Variants in DPP6 observed in about 807,000 individuals in gnomAD.
DPP6 encodes the protein A-type potassium channel modulatory protein DPP6.
A neutral mutation model predicts 122.6 loss-of-function variants in DPP6; 69 were observed. The observed-to-expected ratio is 0.56, with a 90% confidence interval of 0.46 to 0.69. The LOEUF is 0.69. Among genes scored for constraint, DPP6 ranks in the 30% least tolerant of loss-of-function variants. DPP6 has a pLI of 0.00. For missense variants in DPP6, 928 were observed against 1,116.9 expected (o/e 0.83, Z 2.41); for synonymous variants, 418 against 433.1 (o/e 0.97, Z 0.43).
intron 1 of DPP6, among the ~76,000 whole-genome samples, chr7:153,943,336 T>G (rs1333987012): frequency 1.3e-5 from 2 of 152,168 alleles, no homozygotes; most frequent in African/African-American, 2.4e-5. Flanking sequence ...ACAAAATGTA[T>G]TATATGTCCG....
At position 154,446,448 on chromosome 7, in the gene DPP6, C is replaced by T. The variant is rs1032070284; in HGVS notation, c.358+120C>T. 22 of 580,356 alleles carry T rather than the reference C, an allele frequency of 3.8e-5. No individual in the cohort carries two copies. The African/African-American group carries it at 4.0e-4, about 11-fold the overall frequency. 36.0% of individuals were successfully genotyped at this position (580,356 alleles called of 1,614,324 possible). On this transcript the variant is annotated intron_variant, in intron 2 of 25. Coordinates refer to ENST00000377770, the MANE Select transcript of DPP6 (RefSeq NM_130797.4). Reference sequence around the variant, plus strand: ...AATTTATTTTTCCCAAGTTCTAATTCTCACTATGCCATATGATATAATATG... The same window carrying T: ...AATTTATTTTTCCCAAGTTCTAATTTTCACTATGCCATATGATATAATATG...
At chr7:154,440,521 A>T (rs887841788) in intron 1 of DPP6, among the ~76,000 whole-genome samples, 2 of 152,216 alleles carry the variant, frequency 1.3e-5, no homozygotes, top group Non-Finnish European at 2.9e-5. Flanking sequence ...ACCTCCAGCC[A>T]GCATTGTGAA....
At chr7:154,503,928 A>G (rs751035649) in intron 3 of DPP6, among the ~76,000 whole-genome samples, 1 of 152,232 alleles carries the variant, frequency 6.6e-6, no homozygotes, top group African/African-American at 2.4e-5. Flanking sequence ...AAAGCTGCAC[A>G]TCCTGCACAT....
chr7:154,567,216 T>C (rs1029550266), intron 5 of DPP6, among the ~76,000 whole-genome samples: 3 of 152,214 alleles, frequency 2.0e-5, no homozygotes, highest in Admixed American at 6.5e-5. Flanking sequence ...CAATTATTTT[T>C]CTGGCTGTTT....
chr7:154,123,810 G>C lies in DPP6; in HGVS notation c.243+70747G>C, dbSNP rs560553440. Reference sequence around the variant, plus strand: ...GACAAATGTGCCGCTCGCTCACGGGGCTTACCTGGGGACAGTTGTGCTGCC... The same window carrying C: ...GACAAATGTGCCGCTCGCTCACGGGCCTTACCTGGGGACAGTTGTGCTGCC... On this transcript the variant is annotated intron_variant, in intron 1 of 25. Coordinates refer to ENST00000377770, the MANE Select transcript of DPP6 (RefSeq NM_130797.4). 1.5e-5 allele frequency among the ~76,000 whole-genome samples: 2 copies of C among 129,178 alleles called. 1 individual carries two copies. Among genetic ancestry groups the C allele is most frequent in the South Asian group, 5.4e-4 (2 of 3,694 alleles). 84.7% of individuals were successfully genotyped at this position (129,178 alleles called of 152,430 possible).
chr7:153,767,510 G>A, the DPP6 span, among the ~76,000 whole-genome samples: 1 of 150,376 alleles, frequency 6.6e-6, no homozygotes, highest in South Asian at 2.1e-4. Flanking sequence ...TGGGATTACA[G>A]GTGCCTACCA....
intron 1 of DPP6, among the ~76,000 whole-genome samples, chr7:154,373,615 G>C (rs906837530): frequency 6.6e-6 from 1 of 152,164 alleles, no homozygotes; most frequent in African/African-American, 2.4e-5. Context: ...TTTAAAAATT[G>C]TGTTGTTGTA....
chr7:154,185,765 T>G (rs1798321411), intron 1 of DPP6, among the ~76,000 whole-genome samples: 1 of 152,196 alleles, frequency 6.6e-6, no homozygotes, highest in Non-Finnish European at 1.5e-5. Context: ...GTCAATTACT[T>G]CTGGAATCCC....
intron 1 of DPP6, among the ~76,000 whole-genome samples, chr7:153,943,134 G>T (rs1319050809): frequency 6.6e-6 from 1 of 152,022 alleles, no homozygotes; most frequent in Non-Finnish European, 1.5e-5. Flanking sequence ...TATTAATAAG[G>T]TGTTTAAAAA....
At chr7:154,076,664 G>C (rs1803574346) in intron 1 of DPP6, among the ~76,000 whole-genome samples, 1 of 151,232 alleles carries the variant, frequency 6.6e-6, no homozygotes. Context: ...AGATTGAGAG[G>C]AGAAAATGTG....
Position 154,125,358 on chromosome 7 carries a change from T to C in DPP6, c.243+72295T>C, listed in dbSNP as rs554382081. Among the ~76,000 whole-genome samples, 4 of 152,334 alleles carry C rather than the reference T, an allele frequency of 2.6e-5. No homozygotes were observed. The South Asian group carries it at 8.3e-4, about 32-fold the overall frequency. ...GCCTACATTTCTGAAAATTCTAGTG[T>C]AAAACAAACATGTATATATTAAATT... On this transcript the variant is annotated intron_variant, in intron 1 of 25. Coordinates refer to ENST00000377770, the MANE Select transcript of DPP6 (RefSeq NM_130797.4).
chr7:153,762,990 G>A, the DPP6 span, among the ~76,000 whole-genome samples: 2 of 152,086 alleles, frequency 1.3e-5, no homozygotes, highest in African/African-American at 2.4e-5. Flanking sequence ...TTTGAAGGAC[G>A]CTGTATAAGA....
At chr7:154,511,671 A>G (rs765003047) in intron 3 of DPP6, among the ~76,000 whole-genome samples, 9 of 152,232 alleles carry the variant, frequency 5.9e-5, no homozygotes, top group African/African-American at 9.6e-5. Context: ...TTCTAGAGCC[A>G]TTTAATAAAT....
intron 1 of DPP6, among the ~76,000 whole-genome samples, chr7:154,034,744 G>T (rs1799432865): frequency 2.6e-5 from 4 of 151,520 alleles, no homozygotes; most frequent in African/African-American, 9.7e-5. Flanking sequence ...TTCCTTCACT[G>T]CATGGGAGTA....
At chr7:154,061,934 AG>A (rs1802009613) in intron 1 of DPP6, among the ~76,000 whole-genome samples, 1 of 124,970 alleles carries the variant, frequency 8.0e-6, no homozygotes, top group Non-Finnish European at 1.7e-5. Context: ...CCCCCATCGC[AG>A]GAGGGGGAGG....
At chr7:154,420,030 T>C (rs764245527) in intron 1 of DPP6, among the ~76,000 whole-genome samples, 5 of 152,166 alleles carry the variant, frequency 3.3e-5, no homozygotes, top group Admixed American at 6.5e-5. Context: ...AATGGAATAT[T>C]ATTCAGCCTT....
At chr7:154,790,435 G>A (rs1007776006) in intron 10 of DPP6, among the ~76,000 whole-genome samples, 1 of 152,162 alleles carries the variant, frequency 6.6e-6, no homozygotes, top group African/African-American at 2.4e-5. Flanking sequence ...TAGAGGTGGA[G>A]CCCTTATGGA....
the DPP6 span, among the ~76,000 whole-genome samples, chr7:153,851,595 T>C: frequency 6.6e-6 from 1 of 152,206 alleles, no homozygotes; most frequent in Non-Finnish European, 1.5e-5. Flanking sequence ...ATTTGACAAT[T>C]TGATATTTTA....
intron 1 of DPP6, among the ~76,000 whole-genome samples, chr7:154,075,062 C>A (rs2628733): frequency 2.0e-5 from 3 of 151,920 alleles, no homozygotes; most frequent in Non-Finnish European, 4.4e-5. Context: ...AATGCTCAAC[C>A]TCAGTAATGA....
Sources: gnomAD v4.1 joint callset for allele counts (sites outside exome capture counted in the v4.1 genomes callset) on GRCh38, gnomAD v4.1.1 for gene constraint, MANE v1.5 for transcripts, NCBI Gene and HGNC (gene_info 2026-07-23, HGNC 2026-07-21) for gene names.